Variants in VAT1L observed in about 807,000 individuals in gnomAD.
The protein encoded by VAT1L is vesicle amine transport 1 like.
Under a neutral mutation model 44.1 loss-of-function variants are expected in VAT1L, and 34 were observed. That is an observed-to-expected ratio of 0.77 (90% CI 0.59 to 1.03). VAT1L has a LOEUF of 1.03. VAT1L is among the 50% of genes least tolerant of loss of function. The probability of loss-of-function intolerance (pLI) is 0.00; values close to 1 mark genes in which losing one functional copy is unlikely to be tolerated. For synonymous variants in VAT1L, 253 were observed against 202.2 expected, an observed-to-expected ratio of 1.25 and a Z score of -2.13; for missense variants, 615 against 538.8, an observed-to-expected ratio of 1.14 and a Z score of -1.40.
intron 6 of VAT1L, among the ~76,000 whole-genome samples, chr16:77,880,158 T>G (rs1173685727): frequency 1.3e-5 from 2 of 152,196 alleles, no homozygotes; most frequent in East Asian, 3.9e-4. Context: ...TATACTGATG[T>G]TGGCTTGAAC....
At chr16:77,855,524 A>G (rs2016849436) in intron 3 of VAT1L, among the ~76,000 whole-genome samples, 1 of 152,148 alleles carries the variant, frequency 6.6e-6, no homozygotes. Flanking sequence ...CCAAAAACAT[A>G]GTGCACCAAT....
At chr16:77,883,687 C>T (rs937991668) in intron 6 of VAT1L, among the ~76,000 whole-genome samples, 1 of 152,150 alleles carries the variant, frequency 6.6e-6, no homozygotes, top group African/African-American at 2.4e-5. Context: ...CAAAACTACC[C>T]CCAGTTCAGA....
intron 3 of VAT1L, among the ~76,000 whole-genome samples, chr16:77,835,282 T>G (rs1266156575): frequency 6.6e-6 from 1 of 152,306 alleles, no homozygotes; most frequent in East Asian, 1.9e-4. Flanking sequence ...ATCTTGTAAA[T>G]TTAAATCTAT....
intron 7 of VAT1L, among the ~76,000 whole-genome samples, chr16:77,927,399 A>G (rs990421380): frequency 6.6e-6 from 1 of 151,672 alleles, no homozygotes; most frequent in Non-Finnish European, 1.5e-5. Context: ...TGTTGTCCCT[A>G]CTTTACAGAT....
Position 77,884,442 on chromosome 16 carries a change from T to G in VAT1L, c.883-166T>G, listed in dbSNP as rs552751491. On this transcript the variant is annotated intron_variant, in intron 6 of 8. Coordinates refer to ENST00000302536, the MANE Select transcript of VAT1L (RefSeq NM_020927.3). This position sits in a 1 kb window ranked among gnomAD's most constrained non-coding sequence, Gnocchi z 4.5. ...CATCTCAAAAAATAAAAATAAAAAA[T>G]AAAATAAAAAAATACACCACCAAGA... is the stretch of plus-strand genomic sequence containing the variant. Among the ~76,000 whole-genome samples the G allele has an allele frequency of 2.6e-4, 40 of 151,610 alleles. No homozygotes were observed. The highest frequency in any genetic ancestry group is 9.7e-4 in the African/African-American group (40 of 41,362).
chr16:77,838,479 T>A (rs2016664309), intron 3 of VAT1L, among the ~76,000 whole-genome samples: 1 of 152,170 alleles, frequency 6.6e-6, no homozygotes. Context: ...ATGGCAAATT[T>A]GGCAGTTTCC....
At chr16:77,923,738 G>A (rs1326707805) in intron 7 of VAT1L, among the ~76,000 whole-genome samples, 1 of 152,150 alleles carries the variant, frequency 6.6e-6, no homozygotes, top group Non-Finnish European at 1.5e-5. Flanking sequence ...TACCCAGGGT[G>A]GCTTCACACA....
chr16:77,953,623 C>G (rs545725531), intron 7 of VAT1L, among the ~76,000 whole-genome samples: 1 of 152,252 alleles, frequency 6.6e-6, no homozygotes, highest in Non-Finnish European at 1.5e-5. Context: ...TCACTGCGGT[C>G]TCGAACTCCT....
intron 7 of VAT1L, among the ~76,000 whole-genome samples, chr16:77,949,591 T>A (rs371422): frequency 2.0e-5 from 3 of 151,846 alleles, no homozygotes; most frequent in Non-Finnish European, 4.4e-5. Flanking sequence ...TAGTAGTTCC[T>A]GCCAGAGCTG....
intron 3 of VAT1L, among the ~76,000 whole-genome samples, chr16:77,851,485 C>CA (rs1376064309): frequency 7.9e-5 from 12 of 151,556 alleles, no homozygotes; most frequent in Non-Finnish European, 1.5e-4. Flanking sequence ...CCTGTCTCTA[C>CA]AAAAAAAATT....
intron 7 of VAT1L, among the ~76,000 whole-genome samples, chr16:77,915,950 T>C (rs922177253): frequency 3.9e-5 from 6 of 152,052 alleles, no homozygotes; most frequent in African/African-American, 1.2e-4. Context: ...ACTGGGGCGC[T>C]ATGAGAAGCA....
chr16:77,815,152 T>C (rs900803293), intron 1 of VAT1L, among the ~76,000 whole-genome samples: 1 of 152,226 alleles, frequency 6.6e-6, no homozygotes, highest in Non-Finnish European at 1.5e-5. Context: ...TGTTAAATTA[T>C]TAACATTTCA....
intron 7 of VAT1L, among the ~76,000 whole-genome samples, chr16:77,907,737 A>G (rs527418661): frequency 2.4e-3 from 369 of 152,288 alleles, no homozygotes; most frequent in Non-Finnish European, 4.2e-3. Flanking sequence ...CCAAAACTTC[A>G]TAGTTCTCCT....
intron 7 of VAT1L, among the ~76,000 whole-genome samples, chr16:77,960,221 T>TG (rs2018146353): frequency 6.6e-6 from 1 of 152,146 alleles, no homozygotes; most frequent in African/African-American, 2.4e-5. Flanking sequence ...TGTAGGGGGT[T>TG]GGCTTGCTTG....
chr16:77,792,199 A>G (rs1429571360), intron 1 of VAT1L, among the ~76,000 whole-genome samples: 1 of 152,216 alleles, frequency 6.6e-6, no homozygotes, highest in Non-Finnish European at 1.5e-5. Context: ...CGTTGTTGCC[A>G]TATCTAAACC....
intron 1 of VAT1L, among the ~76,000 whole-genome samples, chr16:77,811,953 A>G (rs567378605): frequency 4.6e-5 from 7 of 152,164 alleles, no homozygotes; most frequent in Non-Finnish European, 1.0e-4. Context: ...CAAACAGACG[A>G]TGAGAGCTGG....
At chr16:77,861,405 A>G (rs2016912708) in intron 3 of VAT1L, among the ~76,000 whole-genome samples, 1 of 152,244 alleles carries the variant, frequency 6.6e-6, no homozygotes, top group African/African-American at 2.4e-5. Flanking sequence ...GAAAAACGAT[A>G]TGGAAAAATA....
At chr16:77,825,774 T>C (rs1269619836) in intron 3 of VAT1L, among the ~76,000 whole-genome samples, 1 of 151,308 alleles carries the variant, frequency 6.6e-6, no homozygotes, top group Non-Finnish European at 1.5e-5. Flanking sequence ...CCCAGCACTT[T>C]GGGAGGCAGA....
chr16:77,893,467 G>T (rs2017289739), intron 7 of VAT1L, among the ~76,000 whole-genome samples: 1 of 152,222 alleles, frequency 6.6e-6, no homozygotes, highest in Non-Finnish European at 1.5e-5. Context: ...GAGCTTAGAT[G>T]TGAGTTTGGT....
Sources: allele counts gnomAD v4.1 joint callset (sites outside exome capture counted in the v4.1 genomes callset), GRCh38; gene constraint gnomAD v4.1.1; non-coding constraint Gnocchi (gnomAD v3.1); transcripts MANE v1.5; gene names NCBI Gene and HGNC (gene_info 2026-07-23, HGNC 2026-07-21).